The following ANKRD17 variants were observed in gnomAD, a reference collection of about 807,000 sequenced individuals.
ANKRD17 encodes the protein ankyrin repeat domain 17.
A neutral mutation model predicts 229.7 loss-of-function variants in ANKRD17; 19 were observed. That is an observed-to-expected ratio of 0.08 (90% CI 0.06 to 0.12). The LOEUF is 0.12. Among genes scored for constraint, ANKRD17 ranks in the 10% least tolerant of loss-of-function variants. The pLI is 1.00. For synonymous variants in ANKRD17, 1,112 were observed against 1,146.1 expected (o/e 0.97, Z 0.60); for missense variants, 2,176 against 3,176.8 (o/e 0.68, Z 7.57).
chr4:73,112,071 A>G (rs1479789881), intron 24 of ANKRD17, among the ~76,000 whole-genome samples: 1 of 152,218 alleles, frequency 6.6e-6, no homozygotes, highest in Non-Finnish European at 1.5e-5. Flanking sequence ...GATGGTCAGT[A>G]TGGATAGAGC....
chr4:73,108,302 A>G (rs1724880835), intron 24 of ANKRD17, among the ~76,000 whole-genome samples: 1 of 152,194 alleles, frequency 6.6e-6, no homozygotes, highest in African/African-American at 2.4e-5. Context: ...AGGTATTCAA[A>G]TGGACATGTT....
At chr4:73,097,304 A>G (rs370665433) in intron 26 of ANKRD17, 32 bp from the exon 27 acceptor site, 23 of 1,511,370 alleles carry the variant, frequency 1.5e-5, no homozygotes, top group Non-Finnish European at 1.9e-5. Context: ...TACATTAAAT[A>G]TGGAACAGAT....
intron 1 of ANKRD17, among the ~76,000 whole-genome samples, chr4:73,240,241 A>G (rs1743892033): frequency 6.6e-6 from 1 of 152,126 alleles, no homozygotes; most frequent in African/African-American, 2.4e-5. Context: ...TCTGTACTAG[A>G]ATCTGTAAGG....
At chr4:73,113,319 A>C in intron 24 of ANKRD17, 1 of 1,289,382 alleles carries the variant, frequency 7.8e-7, no homozygotes, top group South Asian at 1.2e-5. Context: ...TGCCTGAAAG[A>C]GAAAAGTACA....
intron 28 of ANKRD17, among the ~76,000 whole-genome samples, chr4:73,093,516 T>C (rs561347640): frequency 1.3e-5 from 2 of 152,096 alleles, no homozygotes; most frequent in Non-Finnish European, 2.9e-5. Flanking sequence ...TAGCTGAGAT[T>C]ACAAGCATGC....
intron 11 of ANKRD17, among the ~76,000 whole-genome samples, chr4:73,143,894 C>T (rs1729912596): frequency 6.6e-6 from 1 of 152,090 alleles, no homozygotes; most frequent in Admixed American, 6.6e-5. Flanking sequence ...GTGCAAGCCA[C>T]CATGCCCAGC....
At chr4:73,178,772 C>T (rs915848406) in intron 1 of ANKRD17, among the ~76,000 whole-genome samples, 3 of 152,012 alleles carry the variant, frequency 2.0e-5, no homozygotes, top group African/African-American at 7.3e-5. Context: ...TAGAAAATAA[C>T]AAACTCCTAA....
intron 27 of ANKRD17, among the ~76,000 whole-genome samples, chr4:73,094,842 T>C (rs1297634224): frequency 1.3e-5 from 2 of 152,042 alleles, no homozygotes; most frequent in Admixed American, 1.3e-4. Flanking sequence ...TATGCTTCTT[T>C]TTATTCTCTA....
At chr4:73,186,676 A>G (rs950534847) in intron 1 of ANKRD17, among the ~76,000 whole-genome samples, 1 of 152,210 alleles carries the variant, frequency 6.6e-6, no homozygotes, top group Non-Finnish European at 1.5e-5. Context: ...ATTACTAACA[A>G]TTCAATATAA....
intron 30 of ANKRD17, among the ~76,000 whole-genome samples, chr4:73,083,713 G>T (rs1272900690): frequency 6.6e-6 from 1 of 152,062 alleles, no homozygotes; most frequent in Non-Finnish European, 1.5e-5. Context: ...GCTGTGCAAG[G>T]ATAATTAATA....
chr4:73,142,603 T>C, intron 12 of ANKRD17, 37 bp downstream of exon 12: 1 of 1,613,692 alleles, frequency 6.2e-7, no homozygotes, highest in Non-Finnish European at 8.5e-7. Flanking sequence ...AGAGAAATAC[T>C]AATTCACAAT....
chr4:73,086,030 G>T (rs1007836279), intron 29 of ANKRD17, among the ~76,000 whole-genome samples: 22 of 152,038 alleles, frequency 1.4e-4, no homozygotes, highest in African/African-American at 4.8e-4. Context: ...AATTATAAAA[G>T]AAACAATTAT....
intron 1 of ANKRD17, among the ~76,000 whole-genome samples, chr4:73,193,150 C>A (rs1737359614): frequency 6.6e-6 from 1 of 152,106 alleles, no homozygotes; most frequent in South Asian, 2.1e-4. Context: ...TTTTTCCTTT[C>A]CAGAATGAAT....
intron 7 of ANKRD17, among the ~76,000 whole-genome samples, chr4:73,149,847 G>C (rs2148859982): frequency 6.6e-6 from 1 of 152,220 alleles, no homozygotes; most frequent in East Asian, 1.9e-4. Flanking sequence ...CCTGGGAACA[G>C]AGTGAGACCC....
intron 16 of ANKRD17, among the ~76,000 whole-genome samples, chr4:73,125,663 G>A (rs1374726816): frequency 6.6e-6 from 1 of 151,040 alleles, no homozygotes; most frequent in Non-Finnish European, 1.5e-5. Context: ...AACCTGGGAG[G>A]CAGAGGTTAC....
chr4:73,113,273 C>T, intron 24 of ANKRD17: 1 of 1,289,242 alleles, frequency 7.8e-7, no homozygotes, highest in Non-Finnish European at 1.0e-6. Flanking sequence ...GTGTATTTTA[C>T]TCCCCATGGG....
At chr4:73,202,701 A>G (rs1738840922) in intron 1 of ANKRD17, among the ~76,000 whole-genome samples, 1 of 152,224 alleles carries the variant, frequency 6.6e-6, no homozygotes. Flanking sequence ...GTAACCTTAC[A>G]GCCAAATATA....
At chr4:73,249,851 G>A (rs1027762076) in intron 1 of ANKRD17, among the ~76,000 whole-genome samples, 3 of 151,972 alleles carry the variant, frequency 2.0e-5, no homozygotes, top group African/African-American at 4.8e-5. Flanking sequence ...GCGAGACTTC[G>A]TCTCAAAAAA....
At position 73,212,170 on chromosome 4, in the gene ANKRD17, C is replaced by G. The variant is rs573855927; in HGVS notation, c.394-34637G>C. ...AGAGGGTGGCGATTCTTTCACTGTACAAGAATAACTCAAAATGAAAAACCA... is the reference window on the plus strand; with the variant it reads ...AGAGGGTGGCGATTCTTTCACTGTAGAAGAATAACTCAAAATGAAAAACCA... On this transcript the variant is annotated intron_variant, in intron 1 of 33. Coordinates refer to ENST00000358602, the MANE Select transcript of ANKRD17 (RefSeq NM_032217.5). Among the ~76,000 whole-genome samples, 99 of 152,142 alleles carry G rather than the reference C, an allele frequency of 6.5e-4. 1 individual carries two copies. The highest frequency in any genetic ancestry group is 2.4e-3 in the African/African-American group (98 of 41,520).
Sources: allele counts gnomAD v4.1 joint callset (sites outside exome capture counted in the v4.1 genomes callset), GRCh38; gene constraint gnomAD v4.1.1; transcripts MANE v1.5; gene names NCBI Gene and HGNC (gene_info 2026-07-23, HGNC 2026-07-21).